The following CDH12 variants were observed in gnomAD, a reference collection of about 807,000 sequenced individuals.
The protein encoded by CDH12 is cadherin 12.
A neutral mutation model predicts 74.1 loss-of-function variants in CDH12; 41 were observed. The observed-to-expected ratio is 0.55, with a 90% CI of 0.43 to 0.72. The LOEUF (loss-of-function observed/expected upper bound fraction) is 0.72, where lower values mean the gene tolerates loss of function less well. CDH12 is among the 30% of genes least tolerant of loss of function. The probability of loss-of-function intolerance (pLI) is 0.00; values close to 1 mark genes in which losing one functional copy is unlikely to be tolerated. For synonymous variants in CDH12, 399 were observed against 355.0 expected, an observed-to-expected ratio of 1.12 and a Z score of -1.39; for missense variants, 945 against 977.2, an observed-to-expected ratio of 0.97 and a Z score of 0.44.
chr5:22,341,022 T>C (rs994892094), intron 3 of CDH12, among the ~76,000 whole-genome samples: 1 of 152,190 alleles, frequency 6.6e-6, no homozygotes, highest in African/African-American at 2.4e-5. Flanking sequence ...TGTCATCTGG[T>C]TTACAGATCT....
At chr5:22,711,297 C>A (rs1743273102) in intron 1 of CDH12, among the ~76,000 whole-genome samples, 1 of 151,898 alleles carries the variant, frequency 6.6e-6, no homozygotes, top group African/African-American at 2.4e-5. Context: ...AGATATCAAA[C>A]CAAGGTGGAT....
At chr5:22,439,874 C>T (rs1744555498) in intron 2 of CDH12, among the ~76,000 whole-genome samples, 1 of 152,046 alleles carries the variant, frequency 6.6e-6, no homozygotes, top group African/African-American at 2.4e-5. Flanking sequence ...TTTCAATGAA[C>T]ATTTGCTGAT....
chr5:22,693,995 A>G (rs913916369), intron 1 of CDH12, among the ~76,000 whole-genome samples: 2 of 151,922 alleles, frequency 1.3e-5, no homozygotes, highest in Non-Finnish European at 2.9e-5. Flanking sequence ...GCTGGAGTGC[A>G]GTGGTGTGTT....
intron 10 of CDH12, among the ~76,000 whole-genome samples, chr5:21,786,564 A>G (rs1459282222): frequency 6.6e-6 from 1 of 152,214 alleles, no homozygotes; most frequent in African/African-American, 2.4e-5. Flanking sequence ...AAGAGCTCAG[A>G]CGGAGATGTA....
intron 1 of CDH12, among the ~76,000 whole-genome samples, chr5:22,708,408 C>G (rs1743127768): frequency 6.6e-6 from 1 of 152,086 alleles, no homozygotes; most frequent in Non-Finnish European, 1.5e-5. Flanking sequence ...CTGAGAAATT[C>G]TAGTAGGGAT....
At chr5:22,096,702 T>G (rs1338641166) in intron 4 of CDH12, among the ~76,000 whole-genome samples, 1 of 152,048 alleles carries the variant, frequency 6.6e-6, no homozygotes, top group African/African-American at 2.4e-5. Flanking sequence ...ATCCTACCTC[T>G]CCCAGATCAG....
chr5:22,232,826 A>G (rs906795111), intron 3 of CDH12, among the ~76,000 whole-genome samples: 1 of 148,884 alleles, frequency 6.7e-6, no homozygotes, highest in South Asian at 2.1e-4. Context: ...CCAAGTTGCT[A>G]AAGTTTTCTC....
rs950413969 is a variant in CDH12 at position 22,634,608 on chromosome 5, A to G, written c.-522-129244T>C. ...ATACATGAAGCAAAAATGGGCATAA[A>G]TCAAAGGAAAAATATACAATTCAAG... On this transcript the variant is annotated intron_variant, in intron 1 of 14. Coordinates refer to ENST00000382254, the MANE Select transcript of CDH12 (RefSeq NM_004061.5). Among the ~76,000 whole-genome samples the G allele has an allele frequency of 6.6e-5, 10 of 152,284 alleles. No individual in the cohort carries two copies. The East Asian group carries it at 1.9e-3, about 29-fold the overall frequency.
chr5:22,823,402 G>T lies in CDH12; in HGVS notation c.-523+29656C>A, dbSNP rs188687995. Among the ~76,000 whole-genome samples, 519 of 151,948 alleles carry T rather than the reference G, an allele frequency of 3.4e-3. 2 individuals are homozygous for T. The highest frequency in any genetic ancestry group is 0.012 in the African/African-American group (485 of 41,494). ...GTATAATAATAATTTTTAAAAAAATGGGAGTTGCCATGCACAATCTCTCTC... is the reference window on the plus strand; with the variant it reads ...GTATAATAATAATTTTTAAAAAAATTGGAGTTGCCATGCACAATCTCTCTC... On this transcript the variant is annotated intron_variant, in intron 1 of 14. Transcript: ENST00000382254.
At chr5:22,408,546 T>G (rs180845953) in intron 2 of CDH12, among the ~76,000 whole-genome samples, 116 of 151,282 alleles carry the variant, frequency 7.7e-4, no homozygotes, top group Non-Finnish European at 1.4e-3. Context: ...GAATTCAAAA[T>G]GGATATTATA....
At chr5:21,928,184 A>C (rs1754678333) in intron 6 of CDH12, among the ~76,000 whole-genome samples, 1 of 152,196 alleles carries the variant, frequency 6.6e-6, no homozygotes, top group African/African-American at 2.4e-5. Context: ...TATTGAAACC[A>C]CCAAGAATCA....
intron 4 of CDH12, among the ~76,000 whole-genome samples, chr5:22,079,227 C>T (rs1002813076): frequency 6.6e-6 from 1 of 152,168 alleles, no homozygotes; most frequent in African/African-American, 2.4e-5. Context: ...GTTGATAATT[C>T]ATTATTGCTG....
At chr5:22,449,829 A>G (rs1294910180) in intron 2 of CDH12, among the ~76,000 whole-genome samples, 1 of 152,030 alleles carries the variant, frequency 6.6e-6, no homozygotes, top group Non-Finnish European at 1.5e-5. Flanking sequence ...ACAGCATCAT[A>G]CTGGAGAAGA....
At chr5:21,973,752 ATTAACT>A (rs1401682054) in intron 6 of CDH12, among the ~76,000 whole-genome samples, 3 of 152,222 alleles carry the variant, frequency 2.0e-5, no homozygotes, top group Non-Finnish European at 4.4e-5. Context: ...TCCTCAAAAT[ATTAACT>A]TTATTTTTCT....
chr5:21,778,464 GCC>G (rs1745717252), intron 11 of CDH12, among the ~76,000 whole-genome samples: 1 of 34,630 alleles, frequency 2.9e-5, no homozygotes, highest in South Asian at 9.4e-4. Flanking sequence ...TGGCATATAA[GCC>G]AAAAAAAAAA....
rs73742114 is a variant in CDH12, at chr5:22,533,660, T to C, written c.-522-28296A>G. ...CACCCTCTCAATATTGAGATGTAGG[T>C]TGGGTTTAGAATTCAGGCATGATAG... On this transcript the variant is annotated intron_variant, in intron 1 of 14. Transcript: ENST00000382254. Among the ~76,000 whole-genome samples the C allele has an allele frequency of 2.2e-3, 340 of 152,170 alleles. 1 individual carries two copies. Among genetic ancestry groups the C allele is most frequent in the African/African-American group, 7.9e-3 (326 of 41,518 alleles).
At chr5:21,983,739 C>T (rs1175738364) in intron 5 of CDH12, among the ~76,000 whole-genome samples, 1 of 152,012 alleles carries the variant, frequency 6.6e-6, no homozygotes, top group African/African-American at 2.4e-5. Context: ...ATATATTTCA[C>T]TCATATTATT....
chr5:22,829,906 C>T (rs181930575), intron 1 of CDH12, among the ~76,000 whole-genome samples: 1 of 152,260 alleles, frequency 6.6e-6, no homozygotes, highest in Admixed American at 6.5e-5. Context: ...CAGTAGGTGA[C>T]TTACAGATGA....
intron 6 of CDH12, among the ~76,000 whole-genome samples, chr5:21,966,160 T>A (rs942257913): frequency 4.4e-3 from 375 of 85,508 alleles, no homozygotes; most frequent in African/African-American, 0.02. Context: ...ATTTTTACGT[T>A]TTTTTTTTTT....
Sources: allele counts gnomAD v4.1 joint callset (sites outside exome capture counted in the v4.1 genomes callset), GRCh38; gene constraint gnomAD v4.1.1; transcripts MANE v1.5; gene names NCBI Gene and HGNC (gene_info 2026-07-23, HGNC 2026-07-21).